The following NTN1 variants were observed in gnomAD, a reference collection of about 807,000 sequenced individuals.
The protein encoded by NTN1 is netrin-1.
Under a neutral mutation model 54.2 loss-of-function variants are expected in NTN1, and 11 were observed. The ratio of observed to expected loss-of-function variants is 0.20; its 90% CI spans 0.13 to 0.34. The LOEUF is 0.34. Ranked by LOEUF, NTN1 falls within the 10% of genes least tolerant of loss-of-function variation. The probability of loss-of-function intolerance (pLI) is 1.00; values close to 1 mark genes in which losing one functional copy is unlikely to be tolerated. For synonymous variants in NTN1, 371 were observed against 382.0 expected (o/e 0.97, Z 0.33); for missense variants, 740 against 893.1 (o/e 0.83, Z 2.18).
intron 2 of NTN1, among the ~76,000 whole-genome samples, chr17:9,118,905 G>A (rs1193078393): frequency 6.6e-6 from 1 of 152,162 alleles, no homozygotes; most frequent in East Asian, 1.9e-4. Context: ...CACTGGATAA[G>A]GGACATTTTA....
chr17:9,133,174 A>G (rs1200921817), intron 2 of NTN1, among the ~76,000 whole-genome samples: 1 of 152,144 alleles, frequency 6.6e-6, no homozygotes, highest in Non-Finnish European at 1.5e-5. Context: ...GATCTCTGAC[A>G]CTGCATGTTG....
At chr17:9,124,139 T>C (rs2092239030) in intron 2 of NTN1, among the ~76,000 whole-genome samples, 1 of 152,154 alleles carries the variant, frequency 6.6e-6, no homozygotes, top group East Asian at 1.9e-4. Context: ...CATGACCACA[T>C]CTCATAATCA....
At chr17:9,048,948 G>A (rs150997756) in intron 2 of NTN1, among the ~76,000 whole-genome samples, 2,259 of 152,232 alleles carry the variant, frequency 0.015, 66 homozygotes, top group African/African-American at 0.052. Flanking sequence ...GAGCCACCGC[G>A]CCCGGCGGAA....
At chr17:9,226,470 T>TCTCGTGGGGAGGCG (rs1567745015) in intron 6 of NTN1, among the ~76,000 whole-genome samples, 507 of 49,138 alleles carry the variant, frequency 0.01, 8 homozygotes, top group Non-Finnish European at 0.014. Context: ...GTGGGGAGGC[T>TCTCGTGGGGAGGCG]GTCTCGTGGG....
At position 9,228,704 on chromosome 17, in the gene NTN1, C is replaced by T. The variant is rs146711179; in HGVS notation, c.1486+7462C>T. Among the ~76,000 whole-genome samples, 104 of 152,326 alleles carry T rather than the reference C, an allele frequency of 6.8e-4. 1 individual carries two copies. Among genetic ancestry groups the T allele is most frequent in the Non-Finnish European group, 4.9e-4 (33 of 68,028 alleles). On this transcript the variant is annotated intron_variant, in intron 6 of 6. Transcript: ENST00000173229. ...CAGATGGAAAAATCAAAATGCTTCT[C>T]ACAGGACGATTTGTCTCAAGTATTC... is the stretch of plus-strand genomic sequence containing the variant.
chr17:9,029,432 G>A (rs1392293225), intron 2 of NTN1, among the ~76,000 whole-genome samples: 1 of 152,160 alleles, frequency 6.6e-6, no homozygotes, highest in Non-Finnish European at 1.5e-5. Flanking sequence ...GGGGGTATCA[G>A]GAGCGTTTGC....
upstream of NTN1, among the ~76,000 whole-genome samples, chr17:9,017,371 C>T (rs754169849): frequency 8.5e-5 from 13 of 152,154 alleles, no homozygotes; most frequent in Non-Finnish European, 1.8e-4. Flanking sequence ...TCAAGGTCAC[C>T]AATGACTTCC....
intron 2 of NTN1, among the ~76,000 whole-genome samples, chr17:9,118,289 G>A (rs2092221018): frequency 6.6e-6 from 1 of 152,208 alleles, no homozygotes; most frequent in Non-Finnish European, 1.5e-5. Flanking sequence ...TGAGGCCGAG[G>A]TGGGTGGATC....
At chr17:9,128,543 C>G (rs182298928) in intron 2 of NTN1, among the ~76,000 whole-genome samples, 1 of 152,238 alleles carries the variant, frequency 6.6e-6, no homozygotes, top group Non-Finnish European at 1.5e-5. Flanking sequence ...GACTGGCCCT[C>G]ATCTTCTCCA....
chr17:9,023,015 G>A lies in NTN1; in HGVS notation c.642G>A (p.Ser214=). ...CGCACACCGACATGCGCCCGCTCTCGGGCGGCCTCATCGCCTTCAGCACGC... is the reference window on the plus strand; with the variant it reads ...CGCACACCGACATGCGCCCGCTCTCAGGCGGCCTCATCGCCTTCAGCACGC... ...TDSHTDMRPL[S]GGLIAFSTLD... Residue 214 remains serine, a synonymous_variant, in exon 2 of 7, where the codon TCG becomes TCA. Coordinates refer to ENST00000173229, the MANE Select transcript of NTN1 (RefSeq NM_004822.3). The A allele has an allele frequency of 1.2e-6, 2 of 1,603,898 alleles. No homozygotes were observed. The highest frequency in any genetic ancestry group is 1.7e-5 in the Admixed American group (1 of 58,922).
intron 2 of NTN1, among the ~76,000 whole-genome samples, chr17:9,025,088 T>C (rs568301454): frequency 6.6e-6 from 1 of 152,334 alleles, no homozygotes; most frequent in Non-Finnish European, 1.5e-5. Context: ...CTTTGTCTTG[T>C]CACCATCAGG....
the NTN1 span, among the ~76,000 whole-genome samples, chr17:9,004,104 G>T: frequency 6.6e-6 from 1 of 152,214 alleles, no homozygotes; most frequent in Non-Finnish European, 1.5e-5. Flanking sequence ...AATCAAACGC[G>T]CATCTAGAAG....
At chr17:9,205,029 T>C (rs1270404299) in intron 5 of NTN1, among the ~76,000 whole-genome samples, 1 of 152,180 alleles carries the variant, frequency 6.6e-6, no homozygotes, top group Non-Finnish European at 1.5e-5. Context: ...CTTCCCTGCC[T>C]GGGCTTTCAT....
chr17:9,221,162 C>A lies in NTN1; in HGVS notation c.1412-6C>A. ...TTGTCTGTGCTCCCCCCCCACCCCC[C>A]TGCAGACTGCGATTCCTACTGCAAG... On this transcript the variant is annotated splice_polypyrimidine_tract_variant and splice_region_variant and intron_variant, in intron 5 of 6. Transcript: ENST00000173229. This position sits in a 1 kb window ranked among gnomAD's most constrained non-coding sequence, Gnocchi z 4.5. The A allele has an allele frequency of 6.3e-7, 1 of 1,595,070 alleles. No homozygotes were observed. The highest frequency in any genetic ancestry group is 8.6e-7 in the Non-Finnish European group (1 of 1,164,040).
intron 2 of NTN1, among the ~76,000 whole-genome samples, chr17:9,065,087 C>A (rs2092010819): frequency 6.6e-6 from 1 of 152,138 alleles, no homozygotes; most frequent in Admixed American, 6.6e-5. Context: ...CAGGTGTGCA[C>A]CACCACAACC....
intron 6 of NTN1, among the ~76,000 whole-genome samples, chr17:9,235,944 C>G (rs1905973902): frequency 6.6e-6 from 1 of 151,964 alleles, no homozygotes; most frequent in Non-Finnish European, 1.5e-5. Flanking sequence ...TAGAGACAAT[C>G]TGCCTGCCTC....
intron 2 of NTN1, among the ~76,000 whole-genome samples, chr17:9,156,895 C>T (rs537245007): frequency 2.0e-5 from 3 of 152,276 alleles, no homozygotes; most frequent in Non-Finnish European, 4.4e-5. Context: ...TACCTGCCCA[C>T]CTACCTATCC....
intron 2 of NTN1, among the ~76,000 whole-genome samples, chr17:9,126,895 A>G (rs762301451): frequency 6.6e-6 from 1 of 152,048 alleles, no homozygotes; most frequent in Non-Finnish European, 1.5e-5. Context: ...TGAAGGACTC[A>G]TGGGCTCATT....
At chr17:9,089,701 G>A (rs547690625) in intron 2 of NTN1, among the ~76,000 whole-genome samples, 1 of 152,138 alleles carries the variant, frequency 6.6e-6, no homozygotes, top group South Asian at 2.1e-4. Context: ...GGACTCTCAG[G>A]GCCCTTCTAC....
Sources: allele counts gnomAD v4.1 joint callset (sites outside exome capture counted in the v4.1 genomes callset), GRCh38; gene constraint gnomAD v4.1.1; non-coding constraint Gnocchi (gnomAD v3.1); transcripts MANE v1.5; gene names NCBI Gene and HGNC (gene_info 2026-07-23, HGNC 2026-07-21).